Variants in PUM3 observed in about 807,000 individuals in gnomAD.
PUM3 encodes pumilio RNA binding family member 3.
In PUM3, 91 loss-of-function variants were observed where a neutral mutation model predicts 84.0. The ratio of observed to expected loss-of-function variants is 1.08; its 90% confidence interval spans 0.91 to 1.29. The LOEUF is 1.29. Among genes scored for constraint, PUM3 ranks in the 50% most tolerant of loss-of-function variants. The pLI, the probability that PUM3 is intolerant of heterozygous loss-of-function variation, is 0.00. For missense variants in PUM3, 1,067 were observed against 767.5 expected (o/e 1.39, Z -4.61); for synonymous variants, 321 against 266.7 (o/e 1.20, Z -1.98).
At chr9:2,818,471 A>C (rs980947116) in intron 13 of PUM3, among the ~76,000 whole-genome samples, 1 of 152,244 alleles carries the variant, frequency 6.6e-6, no homozygotes, top group Non-Finnish European at 1.5e-5. Context: ...TTTCTCTTGA[A>C]ATCCATTTGG....
At chr9:2,820,489 C>T (rs971403072) in intron 12 of PUM3, among the ~76,000 whole-genome samples, 21 of 152,064 alleles carry the variant, frequency 1.4e-4, no homozygotes, top group African/African-American at 4.6e-4. Context: ...ATATATGATA[C>T]TCCAATCATG....
At chr9:2,807,998 A>G (rs980923242) in intron 16 of PUM3, 94 bp from the exon 17 acceptor site, 5 of 771,824 alleles carry the variant, frequency 6.5e-6, no homozygotes, top group Non-Finnish European at 1.0e-5. Context: ...AAATATTTTT[A>G]AACAAAAAAG....
At chr9:2,813,449 C>T (rs1045244350) in intron 13 of PUM3, among the ~76,000 whole-genome samples, 4 of 152,172 alleles carry the variant, frequency 2.6e-5, no homozygotes, top group Non-Finnish European at 5.9e-5. Context: ...GGAAAGAGTT[C>T]TGTCCAACTG....
rs528385851 is a variant in PUM3, at chr9:2,836,825, G to A, written c.304+355C>T. On this transcript the variant is annotated intron_variant, in intron 3 of 17. Coordinates refer to ENST00000397885, the MANE Select transcript of PUM3 (RefSeq NM_014878.5). ...TGTGTGTGTGCGTGTGTGTGTGTGT[G>A]TTTTGCCCTATCTCCTGGTACAATG... Among the ~76,000 whole-genome samples, 4 of 152,096 alleles carry A rather than the reference G, an allele frequency of 2.6e-5. No individual in the cohort carries two copies. In the South Asian group the frequency reaches 8.3e-4, roughly 32 times the overall value.
intron 10 of PUM3, among the ~76,000 whole-genome samples, chr9:2,825,803 T>C (rs1250154933): frequency 6.6e-6 from 1 of 152,134 alleles, no homozygotes; most frequent in Admixed American, 6.5e-5. Flanking sequence ...GTCTAAGGCA[T>C]GTAGGATGTA....
chr9:2,829,791 T>G lies in PUM3; in HGVS notation c.835A>C (p.Thr279Pro), dbSNP rs760070514. 2 of 1,612,200 alleles carry G rather than the reference T, an allele frequency of 1.2e-6. No homozygotes were observed. Among genetic ancestry groups the G allele is most frequent in the South Asian group, 2.2e-5 (2 of 90,780 alleles). Residue 279 changes from threonine to proline, a missense_variant, in exon 8 of 18, where the codon ACA (threonine) becomes CCA (proline). Transcript: ENST00000397885. ...NMLTEELYGN[T>P]FQLYKSADHR... ...GATGTCACCTTGTAAAGCTGAAATG[T>G]GTTCCCATAGAGCTCTTCCGTCAGC... is the stretch of plus-strand genomic sequence containing the variant.
intron 9 of PUM3, 38 bp downstream of exon 9, chr9:2,828,637 G>T: frequency 1.6e-6 from 2 of 1,242,814 alleles, no homozygotes; most frequent in Non-Finnish European, 1.2e-6. Flanking sequence ...TCCTTTGAAT[G>T]TCATTTCTTA....
intron 10 of PUM3, among the ~76,000 whole-genome samples, chr9:2,825,275 T>G (rs1815781139): frequency 1.3e-5 from 2 of 152,152 alleles, no homozygotes; most frequent in South Asian, 4.1e-4. Context: ...CCTTTTCAGT[T>G]CATAACTGGA....
In PUM3 at chr9:2,837,149, CTAGTTCAGGCAT is replaced by C; in HGVS notation, c.304+19_304+30del. ...GTCCCTGTGCACAATCGTTCAGGCA[CTAGTTCAGGCAT>C]GAACGAACCAGTACTTACCATCGCT... On this transcript the variant is annotated intron_variant, in intron 3 of 17. Transcript: ENST00000397885. 1 of 1,563,034 alleles carries C rather than the reference CTAGTTCAGGCAT, an allele frequency of 6.4e-7. No individual in the cohort carries two copies.
chr9:2,839,289 G>A (rs1467161388), intron 1 of PUM3, among the ~76,000 whole-genome samples: 3 of 152,266 alleles, frequency 2.0e-5, no homozygotes, highest in East Asian at 3.9e-4. Context: ...AAAGTTGGAC[G>A]ATCAACTCAT....
Position 2,811,523 on chromosome 9 carries a change from TAAC to T in PUM3, c.1470_1472del (p.Leu491del). The T allele has an allele frequency of 6.2e-7, 1 of 1,614,156 alleles. No homozygotes were observed. The highest frequency in any genetic ancestry group is 1.1e-5 in the South Asian group (1 of 91,086). On this transcript the variant is annotated inframe_deletion, in exon 15 of 18. Coordinates refer to ENST00000397885, the MANE Select transcript of PUM3 (RefSeq NM_014878.5). ...CTTGGGCGTGTTCTTGCAGGTAGCT[TAAC>T]AAAGCTGGAGAAATGGATTCTAGGA...
chr9:2,824,044 ATAGGGT>A lies in PUM3; in HGVS notation c.1135-216_1135-211del, dbSNP rs374783967. Among the ~76,000 whole-genome samples, 308 of 151,542 alleles carry A rather than the reference ATAGGGT, an allele frequency of 2.0e-3. 2 individuals carry two copies. The highest frequency in any genetic ancestry group is 1.9e-3 in the East Asian group (10 of 5,172). ...TATTACAAGCTTAGATGTGTATGTG[ATAGGGT>A]TAGGGTTAGGGTTAGGGTTAGGGTT... On this transcript the variant is annotated intron_variant, in intron 11 of 17. Transcript: ENST00000397885.
At chr9:2,843,893 G>T (rs933479742) in intron 1 of PUM3, among the ~76,000 whole-genome samples, 152 bp downstream of exon 1, 5 of 152,064 alleles carry the variant, frequency 3.3e-5, no homozygotes, top group Admixed American at 3.3e-4. Context: ...CGCCCTTCTT[G>T]CCAGGCTCCA....
chr9:2,821,165 C>G (rs1336108940), intron 12 of PUM3, among the ~76,000 whole-genome samples: 7 of 152,114 alleles, frequency 4.6e-5, no homozygotes, highest in African/African-American at 1.7e-4. Context: ...ATGGGCAAAG[C>G]CAGGTGCGGT....
chr9:2,814,493 G>A (rs936303367), intron 13 of PUM3, among the ~76,000 whole-genome samples: 4 of 152,178 alleles, frequency 2.6e-5, no homozygotes, highest in African/African-American at 7.2e-5. Flanking sequence ...TTATAGGCAT[G>A]AGCCACCACA....
At chr9:2,816,103 C>T (rs1821462514) in intron 13 of PUM3, among the ~76,000 whole-genome samples, 1 of 151,774 alleles carries the variant, frequency 6.6e-6, no homozygotes, top group African/African-American at 2.4e-5. Context: ...AAAAATCAAC[C>T]CATCCATGGT....
At chr9:2,825,210 AGAGACCTGTAT>A (rs1162209716) in intron 10 of PUM3, among the ~76,000 whole-genome samples, 1 of 152,184 alleles carries the variant, frequency 6.6e-6, no homozygotes, top group East Asian at 1.9e-4. Context: ...CTTCCCCAAA[AGAGACCTGTAT>A]GCAATAAACA....
chr9:2,808,166 T>C (rs1428283760), intron 16 of PUM3, among the ~76,000 whole-genome samples: 1 of 152,234 alleles, frequency 6.6e-6, no homozygotes, highest in Non-Finnish European at 1.5e-5. Flanking sequence ...TGAATTCTAA[T>C]AAAACACTCA....
At chr9:2,820,824 G>C (rs991728561) in intron 12 of PUM3, among the ~76,000 whole-genome samples, 1 of 152,072 alleles carries the variant, frequency 6.6e-6, no homozygotes, top group Non-Finnish European at 1.5e-5. Flanking sequence ...CTCATCTTTT[G>C]AAATAAAATT....
Sources: gnomAD v4.1 joint callset for allele counts (sites outside exome capture counted in the v4.1 genomes callset) on GRCh38, gnomAD v4.1.1 for gene constraint, MANE v1.5 for transcripts, NCBI Gene and HGNC (gene_info 2026-07-23, HGNC 2026-07-21) for gene names.